AGO3: variants seen among roughly 807,000 people sequenced by gnomAD.
AGO3 encodes argonaute RISC catalytic component 3.
A neutral mutation model predicts 105.5 loss-of-function variants in AGO3; 16 were observed. The observed-to-expected ratio is 0.15, with a 90% CI of 0.10 to 0.23. The LOEUF is 0.23. Ranked by LOEUF, AGO3 falls within the 10% of genes least tolerant of loss-of-function variation. The pLI, the probability that AGO3 is intolerant of heterozygous loss-of-function variation, is 1.00. For synonymous variants in AGO3, 340 were observed against 367.3 expected (o/e 0.93, Z 0.85); for missense variants, 534 against 1,088.0 (o/e 0.49, Z 7.16).
chr1:35,999,325 A>T (rs1432649504), intron 5 of AGO3, among the ~76,000 whole-genome samples: 2 of 152,202 alleles, frequency 1.3e-5, no homozygotes, highest in Non-Finnish European at 2.9e-5. Flanking sequence ...CCTGGCCAAC[A>T]GAGCAAGACT....
intron 5 of AGO3, among the ~76,000 whole-genome samples, chr1:35,979,553 C>T (rs1647013356): frequency 6.6e-6 from 1 of 151,936 alleles, no homozygotes; most frequent in Non-Finnish European, 1.5e-5. Flanking sequence ...CATTTATTTC[C>T]TTAGTTTTGT....
intron 3 of AGO3, among the ~76,000 whole-genome samples, chr1:35,970,987 A>G (rs906903205): frequency 5.4e-5 from 8 of 148,712 alleles, no homozygotes; most frequent in Non-Finnish European, 8.9e-5. Flanking sequence ...TCAGCGTCCC[A>G]AAGTGCTGGG....
At chr1:35,982,729 G>T (rs1040360390) in intron 5 of AGO3, 1 of 705,138 alleles carries the variant, frequency 1.4e-6, no homozygotes, top group South Asian at 1.5e-5. Flanking sequence ...GATGGTGATG[G>T]TCTAATGTGG....
intron 2 of AGO3, among the ~76,000 whole-genome samples, chr1:35,952,830 C>A (rs993669870): frequency 1.3e-4 from 20 of 152,272 alleles, no homozygotes; most frequent in Middle Eastern, 3.4e-3. Flanking sequence ...GTTCACACAA[C>A]AAAATGATAA....
chr1:35,944,352 A>G (rs772090207), intron 1 of AGO3, among the ~76,000 whole-genome samples: 14 of 152,026 alleles, frequency 9.2e-5, no homozygotes, highest in South Asian at 2.1e-4. Flanking sequence ...GCCTGGCTAT[A>G]TAGTACTTTA....
chr1:36,009,869 C>T (rs1305770627), intron 9 of AGO3, among the ~76,000 whole-genome samples: 2 of 151,608 alleles, frequency 1.3e-5, no homozygotes, highest in Non-Finnish European at 1.5e-5. Context: ...CTGGAACCTC[C>T]ACCTAAAAGA....
chr1:35,962,857 A>C (rs1358934811), intron 2 of AGO3, among the ~76,000 whole-genome samples: 1 of 152,248 alleles, frequency 6.6e-6, no homozygotes, highest in Admixed American at 6.5e-5. Flanking sequence ...AGTATTTCTT[A>C]ATACCTCAAA....
At chr1:35,967,100 A>C in intron 3 of AGO3, 25 bp downstream of exon 3, 1 of 1,596,622 alleles carries the variant, frequency 6.3e-7, no homozygotes, top group Admixed American at 1.8e-5. Context: ...CCTGTATTGG[A>C]AAGGTATATT....
chr1:36,048,767 G>A (rs1478443535), intron 17 of AGO3, among the ~76,000 whole-genome samples: 2 of 152,078 alleles, frequency 1.3e-5, no homozygotes. Flanking sequence ...TCAACTCACT[G>A]CAACCTCTGC....
intron 1 of AGO3, among the ~76,000 whole-genome samples, chr1:35,942,594 T>A (rs1014097166): frequency 1.6e-4 from 24 of 152,340 alleles, no homozygotes; most frequent in African/African-American, 3.8e-4. Context: ...AAGATTTTTT[T>A]AATGTAATTT....
chr1:36,069,124 GTCAGGGTCTCACTC>G lies in AGO3; in HGVS notation c.*13381_*13394del, dbSNP rs1643130565. On this transcript the variant is annotated 3_prime_UTR_variant, in exon 19 of 19. Coordinates refer to ENST00000373191, the MANE Select transcript of AGO3 (RefSeq NM_024852.4). ...AATTGTTGGAGTTCTTTTGTTCTGAGTCAGGGTCTCACTCTGTTGCCCAGGCTGAACTACAGTAG... is the reference window on the plus strand; with the variant it reads ...AATTGTTGGAGTTCTTTTGTTCTGAGTGTTGCCCAGGCTGAACTACAGTAG... 1 of 152,240 alleles carries G rather than the reference GTCAGGGTCTCACTC, an allele frequency of 6.6e-6. No homozygotes were observed. The highest frequency in any genetic ancestry group is 1.5e-5 in the Non-Finnish European group (1 of 68,118). 9.4% of individuals were successfully genotyped at this position (152,240 alleles called of 1,614,324 possible). A position where few individuals can be genotyped will look rare whatever the true frequency, so the allele number is the denominator to read the frequency against.
chr1:35,970,658 T>C (rs1571449199), intron 3 of AGO3, among the ~76,000 whole-genome samples: 1 of 152,208 alleles, frequency 6.6e-6, no homozygotes, highest in Admixed American at 6.5e-5. Flanking sequence ...ATGTTATTTA[T>C]TTGAAATTTA....
At chr1:35,966,922 G>A in intron 2 of AGO3, 33 bp from the exon 3 acceptor site, 1 of 1,586,830 alleles carries the variant, frequency 6.3e-7, no homozygotes. Flanking sequence ...ATCTTACAGA[G>A]GATTATGTGA....
chr1:36,055,146 GTAA>G lies in AGO3; in HGVS notation c.2474+4_2474+6del. Reference sequence around the variant, plus strand: ...ATCTTGTGGACAAAGAACATGACAGGTAATATAAAAGCATAACAGGTTCTCACC... The same window carrying G: ...ATCTTGTGGACAAAGAACATGACAGGTATAAAAGCATAACAGGTTCTCACC... On this transcript the variant is annotated splice_donor_variant and splice_donor_region_variant and intron_variant, in intron 18 of 18. Coordinates refer to ENST00000373191, the MANE Select transcript of AGO3 (RefSeq NM_024852.4). LOFTEE classifies it high-confidence loss of function. The surrounding 1 kb of genome is among the most constrained non-coding windows in gnomAD (Gnocchi z 4.4). 6.3e-7 allele frequency: 1 copy of G among 1,590,876 alleles called. No individual in the cohort carries two copies. Among genetic ancestry groups the G allele is most frequent in the South Asian group, 1.1e-5 (1 of 88,762 alleles).
intron 5 of AGO3, among the ~76,000 whole-genome samples, chr1:35,977,120 CAT>C (rs1407114219): frequency 6.6e-6 from 1 of 150,858 alleles, no homozygotes; most frequent in Non-Finnish European, 1.5e-5. Context: ...TTGTTGGTAA[CAT>C]AAAGAAAGGA....
chr1:36,010,928 A>G (rs1168943813), intron 9 of AGO3, among the ~76,000 whole-genome samples: 19 of 138,544 alleles, frequency 1.4e-4, no homozygotes, highest in African/African-American at 4.6e-4. Context: ...AGAGAGAGAG[A>G]GAGGGAGGGA....
At chr1:35,966,922 G>C in intron 2 of AGO3, 33 bp from the exon 3 acceptor site, 2 of 1,586,830 alleles carry the variant, frequency 1.3e-6, no homozygotes, top group South Asian at 2.3e-5. Flanking sequence ...ATCTTACAGA[G>C]GATTATGTGA....
At chr1:36,013,156 C>T (rs926032555) in intron 9 of AGO3, among the ~76,000 whole-genome samples, 1 of 152,086 alleles carries the variant, frequency 6.6e-6, no homozygotes, top group Non-Finnish European at 1.5e-5. Context: ...TCAGGTTGGT[C>T]TTGAGCTCCT....
chr1:36,005,401 T>C (rs1190075943), intron 6 of AGO3, among the ~76,000 whole-genome samples: 3 of 152,188 alleles, frequency 2.0e-5, no homozygotes, highest in Non-Finnish European at 4.4e-5. Context: ...GAGATAGTCA[T>C]TGTAATAAAA....
Sources: gnomAD v4.1 joint callset for allele counts (sites outside exome capture counted in the v4.1 genomes callset) on GRCh38, gnomAD v4.1.1 for gene constraint, Gnocchi (gnomAD v3.1) non-coding constraint, MANE v1.5 for transcripts, NCBI Gene and HGNC (gene_info 2026-07-23, HGNC 2026-07-21) for gene names.